Variants in KCNIP4 observed in about 807,000 individuals in gnomAD.
KCNIP4 encodes the protein Kv channel-interacting protein 4.
KCNIP4 carries 12 observed loss-of-function variants against 34.0 expected under a neutral mutation model. That is an observed-to-expected ratio of 0.35 (90% CI 0.23 to 0.57). The LOEUF (loss-of-function observed/expected upper bound fraction) is 0.57, where lower values mean the gene tolerates loss of function less well. Ranked by LOEUF, KCNIP4 falls within the 20% of genes least tolerant of loss-of-function variation. The pLI is 0.83. For synonymous variants in KCNIP4, 124 were observed against 102.2 expected, an observed-to-expected ratio of 1.21 and a Z score of -1.29; for missense variants, 238 against 311.7, an observed-to-expected ratio of 0.76 and a Z score of 1.78.
intron 1 of KCNIP4, among the ~76,000 whole-genome samples, chr4:21,598,565 T>C (rs546403372): frequency 1.2e-4 from 19 of 152,182 alleles, no homozygotes; most frequent in South Asian, 2.1e-4. Flanking sequence ...CTATGATTGA[T>C]GATGAGGGTA....
intron 1 of KCNIP4, among the ~76,000 whole-genome samples, chr4:21,296,314 T>A (rs1357314606): frequency 6.6e-6 from 1 of 151,876 alleles, no homozygotes; most frequent in African/African-American, 2.4e-5. Flanking sequence ...TGGTTTTGAG[T>A]GACAGCATCT....
At chr4:21,299,794 C>T (rs1042482142) in intron 1 of KCNIP4, among the ~76,000 whole-genome samples, 4 of 152,246 alleles carry the variant, frequency 2.6e-5, no homozygotes, top group Admixed American at 2.0e-4. Context: ...CCAGCACTTC[C>T]CCACTTCTGT....
At chr4:21,193,055 G>T (rs1270583215) in intron 1 of KCNIP4, among the ~76,000 whole-genome samples, 1 of 151,302 alleles carries the variant, frequency 6.6e-6, no homozygotes. Flanking sequence ...GGATGAGGAT[G>T]TTGTGAGCAG....
In KCNIP4 at chr4:21,264,237, C is replaced by A. The variant is rs574697257; in HGVS notation, c.62-381528G>T. ...ATTTTCAGCTGATGGTCAAAAGAGA[C>A]AACAGTCTGGAAAACATGAAAAGCC... On this transcript the variant is annotated intron_variant, in intron 1 of 8. Coordinates refer to ENST00000382152, the MANE Select transcript of KCNIP4 (RefSeq NM_025221.6). 5.7e-5 allele frequency among the ~76,000 whole-genome samples: 5 copies of A among 87,178 alleles called. No individual in the cohort carries two copies. In the East Asian group the frequency reaches 1.7e-3, roughly 30 times the overall value. 57.2% of individuals were successfully genotyped at this position (87,178 alleles called of 152,430 possible). A position where few individuals can be genotyped will look rare whatever the true frequency, so the allele number is the denominator to read the frequency against.
At chr4:21,041,257 C>T (rs971531171) in intron 1 of KCNIP4, among the ~76,000 whole-genome samples, 206 of 151,282 alleles carry the variant, frequency 1.4e-3, no homozygotes, top group African/African-American at 4.9e-3. Flanking sequence ...CACACACACA[C>T]ACACACACGC....
chr4:21,477,860 C>G (rs1399092490), intron 1 of KCNIP4, among the ~76,000 whole-genome samples: 1 of 152,126 alleles, frequency 6.6e-6, no homozygotes, highest in Admixed American at 6.5e-5. Flanking sequence ...GTATTTTAGC[C>G]AAAGGAACAC....
At chr4:21,146,563 C>T (rs1752373059) in intron 1 of KCNIP4, among the ~76,000 whole-genome samples, 2 of 152,284 alleles carry the variant, frequency 1.3e-5, no homozygotes, top group East Asian at 3.9e-4. Flanking sequence ...GTGATGAGAA[C>T]AAATCTTCCT....
At chr4:21,757,833 T>C (rs964718463) in intron 1 of KCNIP4, among the ~76,000 whole-genome samples, 3 of 152,146 alleles carry the variant, frequency 2.0e-5, no homozygotes, top group Non-Finnish European at 2.9e-5. Context: ...AATGAAAAGA[T>C]AGAACTGTTC....
chr4:21,234,456 T>TAC, intron 1 of KCNIP4, among the ~76,000 whole-genome samples: 1 of 130,352 alleles, frequency 7.7e-6, no homozygotes, highest in African/African-American at 3.1e-5. Context: ...ATATATTACA[T>TAC]ATAACGTATA....
intron 1 of KCNIP4, among the ~76,000 whole-genome samples, chr4:21,054,663 T>G (rs1316618225): frequency 1.4e-5 from 2 of 145,428 alleles, no homozygotes; most frequent in East Asian, 4.0e-4. Context: ...TTTCAACAAC[T>G]GCTTCTAGGG....
At chr4:20,999,193 G>A (rs1737836270) in intron 1 of KCNIP4, among the ~76,000 whole-genome samples, 1 of 152,112 alleles carries the variant, frequency 6.6e-6, no homozygotes, top group South Asian at 2.1e-4. Flanking sequence ...AGCAAACAGT[G>A]GTTTCAACAG....
chr4:21,239,104 G>A (rs1354309128), intron 1 of KCNIP4, among the ~76,000 whole-genome samples: 1 of 151,952 alleles, frequency 6.6e-6, no homozygotes, highest in Admixed American at 6.6e-5. Context: ...TGACAAACCT[G>A]ACAAAAACAA....
intron 1 of KCNIP4, among the ~76,000 whole-genome samples, chr4:21,513,195 G>T (rs1734478419): frequency 6.6e-6 from 1 of 152,174 alleles, no homozygotes; most frequent in Non-Finnish European, 1.5e-5. Context: ...AGAGATGAAG[G>T]TGTAATTAAA....
chr4:21,388,088 C>T (rs1948519), intron 1 of KCNIP4, among the ~76,000 whole-genome samples: 114,049 of 143,476 alleles, frequency 0.79, 45,053 homozygotes, highest in Non-Finnish European at 0.89. Context: ...GAATAGGCTC[C>T]TGAGAAAGAT....
intron 1 of KCNIP4, among the ~76,000 whole-genome samples, chr4:21,682,343 C>T (rs1319078908): frequency 6.6e-6 from 1 of 152,148 alleles, no homozygotes; most frequent in Non-Finnish European, 1.5e-5. Flanking sequence ...TGTAACTCGA[C>T]ATAAGATTTG....
chr4:20,891,501 A>G (rs572538379), intron 1 of KCNIP4, among the ~76,000 whole-genome samples: 1 of 152,302 alleles, frequency 6.6e-6, no homozygotes, highest in African/African-American at 2.4e-5. Context: ...GCTACTCAGC[A>G]GACTGAGGCA....
intron 1 of KCNIP4, among the ~76,000 whole-genome samples, chr4:21,889,620 G>A (rs1437822367): frequency 6.6e-6 from 1 of 152,046 alleles, no homozygotes; most frequent in South Asian, 2.1e-4. Context: ...TACGAAAAGG[G>A]TTTCAATTTG....
chr4:21,323,224 G>A (rs1714687305), intron 1 of KCNIP4, among the ~76,000 whole-genome samples: 1 of 150,256 alleles, frequency 6.7e-6, no homozygotes, highest in South Asian at 2.1e-4. Flanking sequence ...ATAATCAAAT[G>A]AGATATCTCT....
At chr4:21,192,915 T>TTTA (rs1553952039) in intron 1 of KCNIP4, among the ~76,000 whole-genome samples, 14 of 94,282 alleles carry the variant, frequency 1.5e-4, no homozygotes, top group Admixed American at 1.2e-3. Context: ...CCGCCCCGTC[T>TTTA]CTACTACTAC....
Sources: gnomAD v4.1 joint callset for allele counts (sites outside exome capture counted in the v4.1 genomes callset) on GRCh38, gnomAD v4.1.1 for gene constraint, MANE v1.5 for transcripts, NCBI Gene and HGNC (gene_info 2026-07-23, HGNC 2026-07-21) for gene names.